Variants in NCOA2 observed in about 807,000 individuals in gnomAD.
NCOA2 encodes class E basic helix-loop-helix protein 75.
In NCOA2, 21 loss-of-function variants were observed where a neutral mutation model predicts 145.1. That is an observed-to-expected ratio of 0.14 (90% CI 0.10 to 0.21). The LOEUF (loss-of-function observed/expected upper bound fraction) is 0.21. Among genes scored for constraint, NCOA2 ranks in the 10% least tolerant of loss-of-function variants. The pLI is 1.00. For synonymous variants in NCOA2, 619 were observed against 637.5 expected (o/e 0.97, Z 0.44); for missense variants, 1,472 against 1,837.6 (o/e 0.80, Z 3.64).
chr8:70,372,524 G>A (rs1261551239), intron 1 of NCOA2, among the ~76,000 whole-genome samples: 1 of 152,142 alleles, frequency 6.6e-6, no homozygotes, highest in African/African-American at 2.4e-5. Context: ...ATTATTTTAT[G>A]ATTCAGCCTA....
intron 1 of NCOA2, among the ~76,000 whole-genome samples, chr8:70,380,706 C>G (rs1812110474): frequency 6.6e-6 from 1 of 152,002 alleles, no homozygotes; most frequent in Admixed American, 6.6e-5. Flanking sequence ...TTTTCAAGGA[C>G]TATACAGCCC....
In NCOA2 at chr8:70,197,151, T is replaced by C. The variant is rs561699239; in HGVS notation, c.259+16752A>G. 3.9e-5 allele frequency among the ~76,000 whole-genome samples: 6 copies of C among 152,342 alleles called. No homozygotes were observed. The East Asian group carries it at 1.2e-3, about 29-fold the overall frequency. ...CCTGGATACAAGGAATTTTGATTCT[T>C]AGTATTAGACTTTATTTAAACATTA... On this transcript the variant is annotated intron_variant, in intron 4 of 22. Transcript: ENST00000452400.
intron 9 of NCOA2, among the ~76,000 whole-genome samples, chr8:70,161,089 CA>C (rs1812948886): frequency 6.6e-6 from 1 of 152,182 alleles, no homozygotes; most frequent in Non-Finnish European, 1.5e-5. Context: ...GAAGTGCCTC[CA>C]TTTAAACAAC....
At chr8:70,425,049 A>G in the NCOA2 span, among the ~76,000 whole-genome samples, 3 of 152,170 alleles carry the variant, frequency 2.0e-5, no homozygotes, top group Non-Finnish European at 4.4e-5. Context: ...TCCTACTTGT[A>G]CATTAACATG....
At chr8:70,340,861 T>C (rs1808067495) in intron 1 of NCOA2, among the ~76,000 whole-genome samples, 1 of 152,060 alleles carries the variant, frequency 6.6e-6, no homozygotes. Flanking sequence ...TTTTTACTTG[T>C]AAGTGGGAGT....
At chr8:70,144,934 A>T (rs896643156) in intron 12 of NCOA2, 86 bp from the exon 13 acceptor site, 1 of 1,261,002 alleles carries the variant, frequency 7.9e-7, no homozygotes, top group Non-Finnish European at 1.1e-6. Context: ...CAATGTCTGT[A>T]AAATGACAAA....
At chr8:70,267,392 G>GTTTTTTTTTTT (rs34028372) in intron 2 of NCOA2, among the ~76,000 whole-genome samples, 2 of 102,496 alleles carry the variant, frequency 2.0e-5, no homozygotes, top group Non-Finnish European at 2.0e-5. Flanking sequence ...TTTCCTTTCT[G>GTTTTTTTTTTT]TTTTTTTTTT....
intron 4 of NCOA2, among the ~76,000 whole-genome samples, chr8:70,192,572 G>T (rs1230936889): frequency 6.6e-6 from 1 of 152,226 alleles, no homozygotes; most frequent in South Asian, 2.1e-4. Context: ...GGCCTGCAAA[G>T]GGAGGAGCCA....
At chr8:70,436,277 T>C in the NCOA2 span, among the ~76,000 whole-genome samples, 1 of 152,228 alleles carries the variant, frequency 6.6e-6, no homozygotes, top group African/African-American at 2.4e-5. Flanking sequence ...TGGTAGACTG[T>C]TCAACTAAAA....
chr8:70,421,564 C>T, the NCOA2 span, among the ~76,000 whole-genome samples: 3,262 of 151,810 alleles, frequency 0.021, 129 homozygotes, highest in African/African-American at 0.075. Context: ...TCTCAAACAA[C>T]AAAAAAGTAT....
At chr8:70,451,656 G>A in the NCOA2 span, among the ~76,000 whole-genome samples, 9 of 152,126 alleles carry the variant, frequency 5.9e-5, no homozygotes, top group Admixed American at 2.0e-4. Flanking sequence ...TACTTGGTTC[G>A]ATTGACTATG....
chr8:70,349,209 G>GCAAAAACAAA (rs1056909608), intron 1 of NCOA2, among the ~76,000 whole-genome samples: 1 of 151,926 alleles, frequency 6.6e-6, no homozygotes, highest in East Asian at 1.9e-4. Context: ...AGAAAATCAA[G>GCAAAAACAAA]CAAAAACAAA....
intron 1 of NCOA2, among the ~76,000 whole-genome samples, chr8:70,340,333 T>C (rs368797750): frequency 1.6e-3 from 242 of 152,016 alleles, no homozygotes; most frequent in Non-Finnish European, 2.9e-3. Context: ...AACAAACATA[T>C]GAAAAAAAGC....
Position 70,228,561 on chromosome 8 carries a change from T to C in NCOA2, c.-19-11797A>G, listed in dbSNP as rs537935849. On this transcript the variant is annotated intron_variant, in intron 2 of 22. Transcript: ENST00000452400. ...AGTAGTTAATAAGGGTGGTCTACAG[T>C]AGGCATTAAAAAGATTAAGGAAAAT... 9.2e-5 allele frequency among the ~76,000 whole-genome samples: 14 copies of C among 152,222 alleles called. 1 individual carries two copies. Among genetic ancestry groups the C allele is most frequent in the South Asian group, 4.1e-4 (2 of 4,832 alleles).
At chr8:70,227,602 C>A (rs562133988) in intron 2 of NCOA2, among the ~76,000 whole-genome samples, 1 of 152,290 alleles carries the variant, frequency 6.6e-6, no homozygotes, top group African/African-American at 2.4e-5. Context: ...CAGATCATTA[C>A]AATTATTCTG....
intron 14 of NCOA2, among the ~76,000 whole-genome samples, chr8:70,138,778 T>A (rs1810039977): frequency 6.6e-6 from 1 of 152,268 alleles, no homozygotes; most frequent in Non-Finnish European, 1.5e-5. Flanking sequence ...TTTATTGGCA[T>A]CGTTTTACAT....
At chr8:70,300,896 A>G (rs1403215660) in intron 1 of NCOA2, among the ~76,000 whole-genome samples, 1 of 152,116 alleles carries the variant, frequency 6.6e-6, no homozygotes, top group Non-Finnish European at 1.5e-5. Context: ...ACCTAATTTA[A>G]CCTTCATAAC....
intron 2 of NCOA2, among the ~76,000 whole-genome samples, chr8:70,250,392 CAAAAAAAAAAAAAAA>C (rs34008376): frequency 6.0e-5 from 3 of 49,598 alleles, no homozygotes; most frequent in South Asian, 1.4e-3. Context: ...GACCCTGTCT[CAAAAAAAAAAAAAAA>C]AAAAAAAAAA....
rs1260684523 is a variant in NCOA2, at chr8:70,390,797, A to G, written c.-77+12903T>C. On this transcript the variant is annotated intron_variant, in intron 1 of 22. Coordinates refer to ENST00000452400, the MANE Select transcript of NCOA2 (RefSeq NM_006540.4). Reference sequence around the variant, plus strand: ...ACAACAATAATAAATAAATACATACATACATACATACACACACACATACAT... The same window carrying G: ...ACAACAATAATAAATAAATACATACGTACATACATACACACACACATACAT... Among the ~76,000 whole-genome samples, 4 of 152,234 alleles carry G rather than the reference A, an allele frequency of 2.6e-5. No individual in the cohort carries two copies. The East Asian group carries it at 7.7e-4, about 29-fold the overall frequency.
Sources: allele counts gnomAD v4.1 joint callset (sites outside exome capture counted in the v4.1 genomes callset), GRCh38; gene constraint gnomAD v4.1.1; transcripts MANE v1.5; gene names NCBI Gene and HGNC (gene_info 2026-07-23, HGNC 2026-07-21).